CADM2: variants seen among roughly 807,000 people sequenced by gnomAD.
CADM2 encodes cell adhesion molecule 2, also known as immunoglobulin superfamily member 4D.
CADM2 carries 12 observed loss-of-function variants against 49.8 expected under a neutral mutation model. That is an observed-to-expected ratio of 0.24 (90% confidence interval 0.15 to 0.39). CADM2 has a LOEUF of 0.39. Ranked by LOEUF, CADM2 falls within the 10% of genes least tolerant of loss-of-function variation. The pLI is 1.00. For missense variants in CADM2, 378 were observed against 492.3 expected (o/e 0.77, Z 2.20); for synonymous variants, 214 against 175.4 (o/e 1.22, Z -1.74).
At chr3:85,028,560 T>C (rs1267226275) in intron 1 of CADM2, among the ~76,000 whole-genome samples, 1 of 152,166 alleles carries the variant, frequency 6.6e-6, no homozygotes, top group Non-Finnish European at 1.5e-5. Flanking sequence ...TATTTCAAAA[T>C]TTCTGAATAC....
chr3:85,876,147 GT>G (rs895458121), intron 3 of CADM2, among the ~76,000 whole-genome samples: 6 of 152,230 alleles, frequency 3.9e-5, no homozygotes, highest in Admixed American at 3.9e-4. Flanking sequence ...TGTGTGCAGT[GT>G]TTGTCTTGGC....
chr3:85,653,620 C>CA (rs2065117975), intron 1 of CADM2, among the ~76,000 whole-genome samples: 1 of 151,588 alleles, frequency 6.6e-6, no homozygotes, highest in Admixed American at 6.6e-5. Flanking sequence ...TTTAAATATC[C>CA]AAATGAAGAT....
intron 1 of CADM2, among the ~76,000 whole-genome samples, chr3:85,257,289 C>T (rs2042909742): frequency 6.6e-6 from 1 of 152,052 alleles, no homozygotes; most frequent in South Asian, 2.1e-4. Flanking sequence ...AAAAACATCT[C>T]AAAATACTAA....
chr3:85,731,317 T>G (rs1013120154), intron 2 of CADM2, among the ~76,000 whole-genome samples: 3 of 152,202 alleles, frequency 2.0e-5, no homozygotes, highest in African/African-American at 7.2e-5. Context: ...TATTAAGACT[T>G]ACATTTTGTA....
chr3:85,045,653 T>G (rs1469167016), intron 1 of CADM2, among the ~76,000 whole-genome samples: 2 of 152,072 alleles, frequency 1.3e-5, no homozygotes, highest in East Asian at 1.9e-4. Flanking sequence ...TGTAGCCTTT[T>G]TTTTTGCTAT....
At chr3:85,677,811 A>G (rs2065927690) in intron 1 of CADM2, among the ~76,000 whole-genome samples, 1 of 152,178 alleles carries the variant, frequency 6.6e-6, no homozygotes, top group Admixed American at 6.5e-5. Flanking sequence ...TGCTCTTCTC[A>G]TCACTAGAGA....
intron 1 of CADM2, among the ~76,000 whole-genome samples, chr3:85,140,123 G>C (rs370665543): frequency 1.3e-4 from 20 of 152,162 alleles, no homozygotes; most frequent in African/African-American, 4.6e-4. Context: ...CAGGTTAAAA[G>C]ATGGGCTCAG....
chr3:85,849,529 C>G (rs1006336589), intron 3 of CADM2, among the ~76,000 whole-genome samples: 6 of 152,116 alleles, frequency 3.9e-5, no homozygotes, highest in African/African-American at 1.4e-4. Flanking sequence ...AAAGTCACGC[C>G]TAATTTAACA....
At chr3:85,766,783 T>C (rs2069678366) in intron 2 of CADM2, among the ~76,000 whole-genome samples, 1 of 152,186 alleles carries the variant, frequency 6.6e-6, no homozygotes, top group African/African-American at 2.4e-5. Context: ...ATTATATTGT[T>C]GAATAGCAGG....
At chr3:85,012,487 G>A (rs1175049804) in intron 1 of CADM2, among the ~76,000 whole-genome samples, 1 of 148,436 alleles carries the variant, frequency 6.7e-6, no homozygotes, top group Non-Finnish European at 1.5e-5. Context: ...TTAAATATAT[G>A]TATATATTTA....
chr3:85,286,315 T>C (rs1178028229), intron 1 of CADM2, among the ~76,000 whole-genome samples: 3 of 152,176 alleles, frequency 2.0e-5, no homozygotes, highest in African/African-American at 7.2e-5. Flanking sequence ...TAATTCAACA[T>C]TCGTAAGAGG....
At chr3:85,777,857 G>A (rs1257430618) in intron 2 of CADM2, among the ~76,000 whole-genome samples, 1 of 152,146 alleles carries the variant, frequency 6.6e-6, no homozygotes, top group African/African-American at 2.4e-5. Context: ...CAGAAATAAT[G>A]AACAATTTTC....
rs984579077 is a variant in CADM2, at chr3:86,069,299, C to T, written c.*2516C>T. The T allele has an allele frequency of 6.6e-6, 1 of 151,726 alleles. No individual in the cohort carries two copies. The highest frequency in any genetic ancestry group is 2.4e-5 in the African/African-American group (1 of 41,336). The allele number at this position is 151,726 out of a possible 1,614,324, so 9.4% of individuals were successfully genotyped here. ...AACCCTTCAGAGTAATATAAAATCTCATTAGAACTCTTATAAAACCAGTTA... is the reference window on the plus strand; with the variant it reads ...AACCCTTCAGAGTAATATAAAATCTTATTAGAACTCTTATAAAACCAGTTA... On this transcript the variant is annotated 3_prime_UTR_variant, in exon 10 of 10. Coordinates refer to ENST00000383699, the MANE Select transcript of CADM2 (RefSeq NM_001167675.2).
chr3:85,775,423 T>C (rs2070312185), intron 2 of CADM2, among the ~76,000 whole-genome samples: 1 of 151,738 alleles, frequency 6.6e-6, no homozygotes, highest in South Asian at 2.1e-4. Context: ...ACTATATTGG[T>C]GATTGGTTCA....
At chr3:85,135,089 T>C (rs1279712013) in intron 1 of CADM2, among the ~76,000 whole-genome samples, 1 of 151,916 alleles carries the variant, frequency 6.6e-6, no homozygotes, top group African/African-American at 2.4e-5. Flanking sequence ...AATATAAATG[T>C]GTATATAAAA....
chr3:85,556,488 T>C (rs183966676), intron 1 of CADM2, among the ~76,000 whole-genome samples: 146 of 152,288 alleles, frequency 9.6e-4, no homozygotes, highest in South Asian at 4.1e-3. Context: ...GTTCATAGTT[T>C]ACCTTAGATA....
At chr3:85,495,771 CTT>C (rs1036615607) in intron 1 of CADM2, among the ~76,000 whole-genome samples, 25 of 152,022 alleles carry the variant, frequency 1.6e-4, no homozygotes, top group African/African-American at 5.8e-4. Context: ...ATGCCAGGCT[CTT>C]TTAAACAATC....
At chr3:85,766,691 T>C (rs1322240253) in intron 2 of CADM2, among the ~76,000 whole-genome samples, 1 of 152,186 alleles carries the variant, frequency 6.6e-6, no homozygotes, top group African/African-American at 2.4e-5. Context: ...TTCAGATATA[T>C]TTTCCTGAAA....
At chr3:85,426,519 A>G (rs2036414275) in intron 1 of CADM2, among the ~76,000 whole-genome samples, 1 of 152,138 alleles carries the variant, frequency 6.6e-6, no homozygotes, top group Non-Finnish European at 1.5e-5. Context: ...GTAGGTGTAT[A>G]TATTTACGGG....
Sources: allele counts gnomAD v4.1 joint callset (sites outside exome capture counted in the v4.1 genomes callset), GRCh38; gene constraint gnomAD v4.1.1; transcripts MANE v1.5; gene names NCBI Gene and HGNC (gene_info 2026-07-23, HGNC 2026-07-21).